Variants in AXDND1 observed in about 807,000 individuals in gnomAD.
AXDND1 encodes the protein axonemal dynein light chain domain-containing protein 1.
AXDND1 carries 110 observed loss-of-function variants against 137.5 expected under a neutral mutation model. The observed-to-expected ratio is 0.80, with a 90% CI of 0.69 to 0.94. The LOEUF (loss-of-function observed/expected upper bound fraction) is 0.94. Among genes scored for constraint, AXDND1 ranks in the 40% least tolerant of loss-of-function variants. The pLI is 0.00. For synonymous variants in AXDND1, 414 were observed against 399.7 expected, an observed-to-expected ratio of 1.04 and a Z score of -0.43; for missense variants, 1,191 against 1,169.8, an observed-to-expected ratio of 1.02 and a Z score of -0.26.
At chr1:179,401,477 T>A (rs1335134899) in intron 11 of AXDND1, among the ~76,000 whole-genome samples, 1 of 152,172 alleles carries the variant, frequency 6.6e-6, no homozygotes, top group Non-Finnish European at 1.5e-5. Context: ...TGAAGAGTGA[T>A]TGAATTTTTT....
At chr1:179,477,784 C>T (rs755152949) in intron 17 of AXDND1, among the ~76,000 whole-genome samples, 69 of 152,144 alleles carry the variant, frequency 4.5e-4, no homozygotes, top group Non-Finnish European at 7.9e-4. Context: ...CTCAAAAGTC[C>T]ACAGTCCAAA....
intron 7 of AXDND1, among the ~76,000 whole-genome samples, chr1:179,383,071 CCTTTT>C (rs1465443434): frequency 6.6e-6 from 1 of 150,396 alleles, no homozygotes; most frequent in Non-Finnish European, 1.5e-5. Flanking sequence ...TCTTTTTTTT[CCTTTT>C]CTTTGTCCCT....
In AXDND1 at chr1:179,528,419, G is replaced by A; in HGVS notation, c.2703G>A (p.Val901=). 6.2e-7 allele frequency: 1 copy of A among 1,611,242 alleles called. No individual in the cohort carries two copies. The highest frequency in any genetic ancestry group is 1.1e-5 in the South Asian group (1 of 91,004). Residue 901 remains valine (V), a synonymous_variant, in exon 23 of 26, where the codon GTG becomes GTA. Coordinates refer to ENST00000367618, the MANE Select transcript of AXDND1 (RefSeq NM_144696.6). ...CCAAACCTCTATTTGAAACAGATGT[G>A]TTGTCTTCCTGGGTATGTATCTGAA... ...VHSKPLFETD[V]LSSWRESAKQ...
At chr1:179,506,631 A>G (rs1388808763) in intron 20 of AXDND1, among the ~76,000 whole-genome samples, 1 of 152,100 alleles carries the variant, frequency 6.6e-6, no homozygotes, top group Non-Finnish European at 1.5e-5. Flanking sequence ...TCAGGAGGCT[A>G]AGGTAGGAGG....
In AXDND1 at chr1:179,411,221, A is replaced by G. The variant is rs1275544765; in HGVS notation, c.1185A>G (p.Ala395=). Residue 395 remains alanine (A), a synonymous_variant, in exon 12 of 26, where the codon GCA becomes GCG. Transcript: ENST00000367618. The part of the protein sequence containing the change: ...RMENDMKKLV[A]ERDIWSSATY... The stretch of plus-strand genomic sequence containing the variant: ...AGAATGATATGAAAAAGTTAGTGGC[A>G]GAAAGAGATATCTGGAGCTCAGCCA... The G allele has an allele frequency of 6.2e-7, 1 of 1,612,934 alleles. No individual in the cohort carries two copies. Among genetic ancestry groups the G allele is most frequent in the Admixed American group, 1.7e-5 (1 of 59,744 alleles).
At chr1:179,376,390 G>A (rs1028183477) in intron 4 of AXDND1, among the ~76,000 whole-genome samples, 2 of 152,100 alleles carry the variant, frequency 1.3e-5, no homozygotes, top group African/African-American at 4.8e-5. Context: ...TTCATATCCG[G>A]TGAATACTGT....
intron 7 of AXDND1, 95 bp downstream of exon 7, chr1:179,382,851 A>G: frequency 1.0e-6 from 1 of 994,370 alleles, no homozygotes; most frequent in Non-Finnish European, 1.5e-6. Context: ...TATTAAAATT[A>G]TAGCAGCAAC....
chr1:179,544,144 C>CCTA (rs1553310181), intron 25 of AXDND1: 1 of 152,418 alleles, frequency 6.6e-6, no homozygotes, highest in Non-Finnish European at 1.5e-5. Context: ...AAAGCCATAA[C>CCTA]CTACAACGCA....
chr1:179,533,886 G>C lies in AXDND1; in HGVS notation c.2798+9G>C, dbSNP rs765066827. 1 of 1,608,022 alleles carries C rather than the reference G, an allele frequency of 6.2e-7. No homozygotes were observed. The highest frequency in any genetic ancestry group is 1.1e-5 in the South Asian group (1 of 90,840). On this transcript the variant is annotated intron_variant, in intron 24 of 25. Coordinates refer to ENST00000367618, the MANE Select transcript of AXDND1 (RefSeq NM_144696.6). ...ATGCAGGAGAAGTTACTGTAAGTAT[G>C]AGTCAACACAATGGTAAGAGGATGA...
intron 17 of AXDND1, among the ~76,000 whole-genome samples, chr1:179,482,871 A>G (rs555621600): frequency 6.6e-6 from 1 of 151,246 alleles, no homozygotes; most frequent in African/African-American, 2.4e-5. Flanking sequence ...TACAGTAGAG[A>G]GCTAATATTG....
intron 13 of AXDND1, among the ~76,000 whole-genome samples, 194 bp downstream of exon 13, chr1:179,429,813 AATTT>A (rs1657113515): frequency 1.3e-5 from 2 of 151,750 alleles, no homozygotes; most frequent in African/African-American, 4.8e-5. Context: ...TAATTAAAGC[AATTT>A]ATTTAAGTTT....
At chr1:179,513,385 A>T (rs1191979647) in intron 21 of AXDND1, among the ~76,000 whole-genome samples, 1 of 152,110 alleles carries the variant, frequency 6.6e-6, no homozygotes, top group African/African-American at 2.4e-5. Flanking sequence ...TGTGTATGTT[A>T]AACCATCCCT....
chr1:179,486,166 A>G (rs898093941), intron 18 of AXDND1, among the ~76,000 whole-genome samples: 1 of 151,120 alleles, frequency 6.6e-6, no homozygotes, highest in South Asian at 2.1e-4. Context: ...AAAACACACT[A>G]CAAGAATTTC....
chr1:179,410,185 T>A (rs962264225), intron 11 of AXDND1, among the ~76,000 whole-genome samples: 11 of 152,170 alleles, frequency 7.2e-5, no homozygotes, highest in African/African-American at 2.4e-4. Flanking sequence ...GGAGGAAGTG[T>A]TTCAAAAGAT....
chr1:179,462,787 C>A (rs768612521), intron 16 of AXDND1, among the ~76,000 whole-genome samples: 38 of 152,128 alleles, frequency 2.5e-4, no homozygotes, highest in Admixed American at 3.9e-4. Flanking sequence ...TTAATTATTG[C>A]CTCAATTTCA....
chr1:179,418,972 C>T (rs1377164801), intron 12 of AXDND1, among the ~76,000 whole-genome samples: 1 of 150,744 alleles, frequency 6.6e-6, no homozygotes, highest in African/African-American at 2.4e-5. Context: ...TCCTCACATC[C>T]CAGACGAGGC....
At chr1:179,540,576 G>A (rs561243197) in intron 25 of AXDND1, among the ~76,000 whole-genome samples, 6 of 152,332 alleles carry the variant, frequency 3.9e-5, no homozygotes, top group Non-Finnish European at 7.3e-5. Flanking sequence ...CTTCGTCCCA[G>A]AGGGGCACCT....
intron 20 of AXDND1, among the ~76,000 whole-genome samples, chr1:179,498,281 A>G (rs1030247875): frequency 2.0e-5 from 3 of 152,158 alleles, no homozygotes; most frequent in Non-Finnish European, 2.9e-5. Flanking sequence ...ACAAAACAGC[A>G]TGGTACTGGT....
chr1:179,430,406 A>G (rs748976503), intron 13 of AXDND1, 46 bp from the exon 14 acceptor site: 4 of 1,403,946 alleles, frequency 2.8e-6, no homozygotes, highest in Non-Finnish European at 3.9e-6. Flanking sequence ...ACTATTTGTT[A>G]TATACATAAA....
Sources: allele counts gnomAD v4.1 joint callset (sites outside exome capture counted in the v4.1 genomes callset), GRCh38; gene constraint gnomAD v4.1.1; transcripts MANE v1.5; gene names NCBI Gene and HGNC (gene_info 2026-07-23, HGNC 2026-07-21).